ZDHHC21: variants seen among roughly 807,000 people sequenced by gnomAD.
The protein encoded by ZDHHC21 is palmitoyltransferase ZDHHC21.
In ZDHHC21, 15 loss-of-function variants were observed where a neutral mutation model predicts 34.6. The observed-to-expected ratio is 0.43, with a 90% confidence interval of 0.29 to 0.67. The LOEUF is 0.67. Among genes scored for constraint, ZDHHC21 ranks in the 30% least tolerant of loss-of-function variants. ZDHHC21 has a pLI of 0.14. For synonymous variants in ZDHHC21, 142 were observed against 101.8 expected, an observed-to-expected ratio of 1.40 and a Z score of -2.38; for missense variants, 344 against 327.7, an observed-to-expected ratio of 1.05 and a Z score of -0.38.
chr9:14,684,587 T>C (rs988307760), intron 2 of ZDHHC21, among the ~76,000 whole-genome samples: 3 of 151,764 alleles, frequency 2.0e-5, no homozygotes, highest in African/African-American at 7.3e-5. Context: ...TCCATGCTCA[T>C]GGGTAGGAAG....
intron 5 of ZDHHC21, among the ~76,000 whole-genome samples, chr9:14,664,756 AGGG>A (rs1424898470): frequency 3.9e-5 from 6 of 152,032 alleles, no homozygotes; most frequent in Admixed American, 3.9e-4. Context: ...CTCACACAGC[AGGG>A]TATTCCAACA....
chr9:14,646,444 A>G (rs1830291248), intron 7 of ZDHHC21, among the ~76,000 whole-genome samples: 1 of 152,214 alleles, frequency 6.6e-6, no homozygotes, highest in African/African-American at 2.4e-5. Flanking sequence ...ATAAAACATA[A>G]AAGTTAGTTA....
At chr9:14,679,966 G>C (rs906125173) in intron 3 of ZDHHC21, 67 bp downstream of exon 3, 1 of 152,440 alleles carries the variant, frequency 6.6e-6, no homozygotes, top group East Asian at 1.9e-4. Context: ...CTAAGCATAA[G>C]ACTCCAAGGA....
chr9:14,680,853 C>T (rs1414234957), intron 2 of ZDHHC21, among the ~76,000 whole-genome samples: 5 of 152,114 alleles, frequency 3.3e-5, no homozygotes, highest in African/African-American at 1.2e-4. Context: ...ACTGTTATCT[C>T]ATATGGTAAG....
At chr9:14,630,904 G>C (rs944658254) in intron 8 of ZDHHC21, among the ~76,000 whole-genome samples, 3 of 152,186 alleles carry the variant, frequency 2.0e-5, no homozygotes, top group African/African-American at 7.2e-5. Context: ...CTGTCACTTA[G>C]GCTTTGTTTT....
chr9:14,634,301 C>T (rs748321774), intron 8 of ZDHHC21, among the ~76,000 whole-genome samples: 3 of 152,204 alleles, frequency 2.0e-5, no homozygotes, highest in South Asian at 4.1e-4. Flanking sequence ...CCATTACCCA[C>T]GCCATGCCCA....
intron 2 of ZDHHC21, among the ~76,000 whole-genome samples, chr9:14,689,278 A>G (rs1397678705): frequency 6.6e-6 from 1 of 152,224 alleles, no homozygotes; most frequent in Non-Finnish European, 1.5e-5. Flanking sequence ...ACTAAATCAC[A>G]TTCAAGTAAA....
chr9:14,601,505 G>A, the ZDHHC21 span, among the ~76,000 whole-genome samples: 2 of 152,160 alleles, frequency 1.3e-5, no homozygotes, highest in Admixed American at 6.5e-5. Flanking sequence ...AACAGATGCT[G>A]GAGAGGATGT....
chr9:14,648,073 G>A (rs140689515), intron 7 of ZDHHC21, among the ~76,000 whole-genome samples: 76 of 152,090 alleles, frequency 5.0e-4, no homozygotes, highest in Non-Finnish European at 9.1e-4. Context: ...TCGGTAACTG[G>A]TATCTCCATT....
At chr9:14,597,808 C>T in the ZDHHC21 span, among the ~76,000 whole-genome samples, 1 of 152,128 alleles carries the variant, frequency 6.6e-6, no homozygotes, top group African/African-American at 2.4e-5. Flanking sequence ...ACCACCAGCA[C>T]CTGTGCCTAC....
At chr9:14,603,136 A>C in the ZDHHC21 span, among the ~76,000 whole-genome samples, 1 of 152,108 alleles carries the variant, frequency 6.6e-6, no homozygotes, top group Non-Finnish European at 1.5e-5. Context: ...ATGGATATAC[A>C]TATTTCTAAA....
chr9:14,689,022 G>A (rs1003996326), intron 2 of ZDHHC21, among the ~76,000 whole-genome samples: 14 of 152,100 alleles, frequency 9.2e-5, no homozygotes, highest in Non-Finnish European at 1.8e-4. Context: ...ACTCCAGCCT[G>A]GTCAACAGAG....
intron 6 of ZDHHC21, among the ~76,000 whole-genome samples, chr9:14,661,307 CTAAA>C (rs1396634352): frequency 6.6e-6 from 1 of 152,004 alleles, no homozygotes; most frequent in Non-Finnish European, 1.5e-5. Context: ...AAAGAAAACT[CTAAA>C]TAGACTAACA....
intron 6 of ZDHHC21, 135 bp from the exon 7 acceptor site, chr9:14,659,022 G>T: frequency 2.4e-6 from 2 of 823,036 alleles, no homozygotes; most frequent in Non-Finnish European, 1.9e-6. Context: ...CCACTTGAAG[G>T]TAAAAACAAA....
intron 5 of ZDHHC21, among the ~76,000 whole-genome samples, chr9:14,665,025 A>C (rs1246565402): frequency 6.7e-5 from 8 of 119,566 alleles, no homozygotes; most frequent in Admixed American, 2.6e-4. Flanking sequence ...TGAGAGAAGA[A>C]GGCTTCAGAC....
chr9:14,609,146 A>G (rs1823118562), downstream of ZDHHC21, among the ~76,000 whole-genome samples: 2 of 147,474 alleles, frequency 1.4e-5, 1 homozygote, highest in South Asian at 4.4e-4. Context: ...AAAGGTGACA[A>G]GCCATTTTCA....
At chr9:14,692,212 C>T (rs1839261383) in intron 1 of ZDHHC21, among the ~76,000 whole-genome samples, 1 of 152,116 alleles carries the variant, frequency 6.6e-6, no homozygotes, top group Admixed American at 6.5e-5. Context: ...TTTAATATTA[C>T]ACCAAAAGCC....
chr9:14,605,884 T>C, the ZDHHC21 span, among the ~76,000 whole-genome samples: 2 of 152,116 alleles, frequency 1.3e-5, no homozygotes, highest in African/African-American at 4.8e-5. Context: ...CAGAAACAAG[T>C]TTCCAAAAAT....
At chr9:14,651,064 G>C (rs1006005215) in intron 7 of ZDHHC21, among the ~76,000 whole-genome samples, 4 of 151,964 alleles carry the variant, frequency 2.6e-5, no homozygotes, top group Admixed American at 6.6e-5. Flanking sequence ...GACAGTAATA[G>C]CCACAAATTA....
Sources: gnomAD v4.1 joint callset for allele counts (sites outside exome capture counted in the v4.1 genomes callset) on GRCh38, gnomAD v4.1.1 for gene constraint, MANE v1.5 for transcripts, NCBI Gene and HGNC (gene_info 2026-07-23, HGNC 2026-07-21) for gene names.